EYS: variants seen among roughly 807,000 people sequenced by gnomAD.
EYS encodes protein eyes shut homolog.
A neutral mutation model predicts 282.1 loss-of-function variants in EYS; 250 were observed. That is an observed-to-expected ratio of 0.89 (90% confidence interval 0.80 to 0.98). EYS has a LOEUF of 0.98. Among genes scored for constraint, EYS ranks in the 50% least tolerant of loss-of-function variants. The pLI, the probability that EYS is intolerant of heterozygous loss-of-function variation, is 0.00. For missense variants in EYS, 4,016 were observed against 3,709.0 expected (o/e 1.08, Z -2.15); for synonymous variants, 1,355 against 1,282.9 (o/e 1.06, Z -1.20).
intron 26 of EYS, among the ~76,000 whole-genome samples, chr6:64,483,895 A>C (rs1475123124): frequency 6.6e-6 from 1 of 151,676 alleles, no homozygotes; most frequent in Non-Finnish European, 1.5e-5. Context: ...GTATTGTCTT[A>C]TTCATGACAC....
chr6:65,669,172 C>T (rs1768297274), intron 1 of EYS, among the ~76,000 whole-genome samples: 1 of 151,626 alleles, frequency 6.6e-6, no homozygotes, highest in Non-Finnish European at 1.5e-5. Context: ...TAATTTTGAC[C>T]CACACAAGGT....
At chr6:64,822,117 T>C (rs1764917150) in intron 20 of EYS, among the ~76,000 whole-genome samples, 1 of 152,078 alleles carries the variant, frequency 6.6e-6, no homozygotes, top group African/African-American at 2.4e-5. Flanking sequence ...GCAAGCAGCA[T>C]GATGCATCTG....
intron 33 of EYS, among the ~76,000 whole-genome samples, chr6:64,059,803 A>G (rs1183200874): frequency 6.6e-6 from 1 of 152,214 alleles, no homozygotes; most frequent in East Asian, 1.9e-4. Flanking sequence ...TATGCTATGT[A>G]CAGACAGGCT....
At chr6:64,827,797 T>A (rs985416469) in intron 19 of EYS, among the ~76,000 whole-genome samples, 3 of 151,840 alleles carry the variant, frequency 2.0e-5, no homozygotes, top group Admixed American at 6.6e-5. Flanking sequence ...GATTTCCAGA[T>A]AGGCAGTCCA....
At chr6:64,261,186 C>G (rs569666873) in intron 30 of EYS, among the ~76,000 whole-genome samples, 22 of 151,938 alleles carry the variant, frequency 1.4e-4, no homozygotes, top group Non-Finnish European at 3.1e-4. Flanking sequence ...CCCGACCAAC[C>G]CTTCCCAATT....
chr6:65,613,985 AG>A (rs776679524), intron 2 of EYS, among the ~76,000 whole-genome samples: 2 of 152,104 alleles, frequency 1.3e-5, no homozygotes, highest in East Asian at 3.9e-4. Context: ...CAACTGAAAA[AG>A]AAGCAATTTA....
intron 10 of EYS, among the ~76,000 whole-genome samples, chr6:65,336,060 T>C (rs974437018): frequency 6.6e-6 from 1 of 151,716 alleles, no homozygotes; most frequent in Non-Finnish European, 1.5e-5. Flanking sequence ...TCCCCTTCAC[T>C]TTCTGCCATG....
chr6:64,834,105 C>T (rs940805959), intron 19 of EYS, among the ~76,000 whole-genome samples: 2 of 151,766 alleles, frequency 1.3e-5, no homozygotes, highest in Admixed American at 6.6e-5. Context: ...TCAAGAGAAA[C>T]CCTTTGGGAA....
chr6:63,847,098 A>G (rs1213533164), intron 36 of EYS, among the ~76,000 whole-genome samples: 3 of 152,168 alleles, frequency 2.0e-5, no homozygotes, highest in Non-Finnish European at 4.4e-5. Context: ...GATATTGGGT[A>G]TTTATAACTC....
intron 26 of EYS, among the ~76,000 whole-genome samples, chr6:64,476,877 C>T (rs534785675): frequency 5.3e-5 from 8 of 152,198 alleles, no homozygotes; most frequent in East Asian, 1.9e-4. Flanking sequence ...AGTTTCTCAT[C>T]GACTTGATGT....
chr6:63,995,929 A>G (rs1385122115), intron 34 of EYS, among the ~76,000 whole-genome samples: 7 of 151,962 alleles, frequency 4.6e-5, no homozygotes, highest in Non-Finnish European at 8.8e-5. Context: ...TTTAAAAACA[A>G]CTAAATGAGA....
At chr6:65,448,317 A>T (rs563744212) in intron 5 of EYS, among the ~76,000 whole-genome samples, 1 of 152,222 alleles carries the variant, frequency 6.6e-6, no homozygotes, top group East Asian at 1.9e-4. Context: ...AAGATAAAGA[A>T]GTTAGATGAC....
chr6:64,362,985 C>A (rs988464614), intron 29 of EYS, among the ~76,000 whole-genome samples: 6 of 128,150 alleles, frequency 4.7e-5, no homozygotes, highest in Non-Finnish European at 8.1e-5. Context: ...GTTTCATTTT[C>A]TTTCATTTTC....
intron 26 of EYS, among the ~76,000 whole-genome samples, chr6:64,546,133 T>C (rs1764858216): frequency 1.3e-5 from 2 of 152,062 alleles, no homozygotes; most frequent in African/African-American, 4.8e-5. Context: ...ACTACAAGGG[T>C]ACAGTAACCA....
At chr6:64,666,540 C>T (rs1370027670) in intron 22 of EYS, among the ~76,000 whole-genome samples, 3 of 152,206 alleles carry the variant, frequency 2.0e-5, no homozygotes, top group African/African-American at 7.2e-5. Context: ...TTCAATCACA[C>T]ACTTCTTAAA....
At chr6:64,611,034 T>C (rs1341026327) in intron 24 of EYS, among the ~76,000 whole-genome samples, 1 of 152,024 alleles carries the variant, frequency 6.6e-6, no homozygotes, top group East Asian at 1.9e-4. Flanking sequence ...ATAAACACAA[T>C]AATTTTGTTT....
intron 29 of EYS, among the ~76,000 whole-genome samples, chr6:64,312,518 G>A (rs900485451): frequency 1.3e-5 from 2 of 152,202 alleles, no homozygotes; most frequent in African/African-American, 4.8e-5. Context: ...CCAGCACATC[G>A]TTTGAGCTCT....
intron 30 of EYS, among the ~76,000 whole-genome samples, chr6:64,277,976 T>C (rs900199919): frequency 7.2e-5 from 11 of 152,266 alleles, no homozygotes; most frequent in Middle Eastern, 3.4e-3. Context: ...ATAGAAACTA[T>C]TGAAATTTGA....
intron 22 of EYS, among the ~76,000 whole-genome samples, chr6:64,640,389 C>A (rs1162751818): frequency 6.6e-6 from 1 of 152,134 alleles, no homozygotes; most frequent in East Asian, 1.9e-4. Context: ...CTATATACAG[C>A]CATAAAAATG....
Sources: gnomAD v4.1 joint callset for allele counts (sites outside exome capture counted in the v4.1 genomes callset) on GRCh38, gnomAD v4.1.1 for gene constraint, MANE v1.5 for transcripts, NCBI Gene and HGNC (gene_info 2026-07-23, HGNC 2026-07-21) for gene names.